STAU2: variants seen among roughly 807,000 people sequenced by gnomAD.
The protein encoded by STAU2 is double-stranded RNA-binding protein Staufen homolog 2.
In STAU2, 20 loss-of-function variants were observed where a neutral mutation model predicts 65.9. The ratio of observed to expected loss-of-function variants is 0.30; its 90% CI spans 0.21 to 0.44. The LOEUF is 0.44. Ranked by LOEUF, STAU2 falls within the 20% of genes least tolerant of loss-of-function variation. The pLI is 1.00. For synonymous variants in STAU2, 232 were observed against 233.9 expected, an observed-to-expected ratio of 0.99 and a Z score of 0.07; for missense variants, 558 against 683.9, an observed-to-expected ratio of 0.82 and a Z score of 2.05.
At chr8:73,435,539 A>T (rs1444227094) in intron 13 of STAU2, among the ~76,000 whole-genome samples, 1 of 151,804 alleles carries the variant, frequency 6.6e-6, no homozygotes, top group African/African-American at 2.4e-5. Context: ...CGCCTCTAAC[A>T]CACCCCTCAA....
At chr8:73,591,246 G>A (rs1330819311) in intron 11 of STAU2, among the ~76,000 whole-genome samples, 2 of 152,080 alleles carry the variant, frequency 1.3e-5, no homozygotes, top group South Asian at 2.1e-4. Context: ...GCCACAATAG[G>A]AGGTCAGAGA....
At chr8:73,484,653 A>T (rs949333416) in intron 13 of STAU2, among the ~76,000 whole-genome samples, 1 of 152,110 alleles carries the variant, frequency 6.6e-6, no homozygotes, top group Admixed American at 6.6e-5. Context: ...TTGCTTACCA[A>T]TACCCAAGTT....
intron 5 of STAU2, among the ~76,000 whole-genome samples, chr8:73,673,650 C>T (rs1353155152): frequency 6.6e-6 from 1 of 152,086 alleles, no homozygotes; most frequent in East Asian, 1.9e-4. Flanking sequence ...AATTAAATAA[C>T]TAAGCATTGG....
At chr8:73,703,156 T>C (rs1291669088) in intron 4 of STAU2, among the ~76,000 whole-genome samples, 1 of 152,058 alleles carries the variant, frequency 6.6e-6, no homozygotes, top group Non-Finnish European at 1.5e-5. Context: ...ATGTTGGAGG[T>C]GGGGTCTGGG....
At chr8:73,721,287 CA>C (rs35721754) in intron 3 of STAU2, among the ~76,000 whole-genome samples, 1,200 of 12,436 alleles carry the variant, frequency 0.096, 40 homozygotes, top group Non-Finnish European at 0.11. Flanking sequence ...ACCCCACCTC[CA>C]AAAAAAAAAA....
chr8:73,740,265 T>G (rs1458507339), intron 1 of STAU2, among the ~76,000 whole-genome samples: 1 of 152,252 alleles, frequency 6.6e-6, no homozygotes, highest in Non-Finnish European at 1.5e-5. Context: ...ATGTTTGTTG[T>G]CTTAAGTCCT....
intron 6 of STAU2, chr8:73,669,101 G>C (rs1053528567): frequency 1.4e-6 from 1 of 702,048 alleles, no homozygotes; most frequent in Non-Finnish European, 2.6e-6. Flanking sequence ...ATCCATTCAA[G>C]TGTTGCCATC....
intron 13 of STAU2, among the ~76,000 whole-genome samples, chr8:73,510,776 G>A (rs1180469914): frequency 1.3e-5 from 2 of 152,188 alleles, no homozygotes; most frequent in African/African-American, 2.4e-5. Context: ...CAGGATGGGG[G>A]AAACTGCCCC....
chr8:73,643,993 C>T (rs1376985138), intron 6 of STAU2, among the ~76,000 whole-genome samples: 3 of 152,128 alleles, frequency 2.0e-5, no homozygotes, highest in African/African-American at 4.8e-5. Flanking sequence ...AAGTGAGGAA[C>T]TAAGAAGGCA....
chr8:73,703,631 AAAGG>A (rs1225005680), intron 4 of STAU2, among the ~76,000 whole-genome samples: 3 of 152,250 alleles, frequency 2.0e-5, no homozygotes, highest in Non-Finnish European at 4.4e-5. Flanking sequence ...TCAATAATAA[AAAGG>A]AAGAAATACT....
intron 13 of STAU2, among the ~76,000 whole-genome samples, chr8:73,442,835 T>A (rs916504802): frequency 7.9e-5 from 12 of 152,252 alleles, no homozygotes; most frequent in African/African-American, 2.4e-4. Flanking sequence ...GAGAATTTTT[T>A]AAAATTTTTG....
At chr8:73,640,264 T>C (rs1299382732) in intron 6 of STAU2, among the ~76,000 whole-genome samples, 1 of 151,420 alleles carries the variant, frequency 6.6e-6, no homozygotes, top group African/African-American at 2.4e-5. Context: ...GAATAAAATA[T>C]ACAACTTCTA....
intron 4 of STAU2, among the ~76,000 whole-genome samples, chr8:73,692,951 G>A (rs901062828): frequency 6.6e-6 from 1 of 150,644 alleles, no homozygotes; most frequent in African/African-American, 2.4e-5. Flanking sequence ...CTTGAGCTCA[G>A]AAGTTCGAGA....
intron 6 of STAU2, among the ~76,000 whole-genome samples, chr8:73,642,455 G>A (rs2062814): frequency 0.054 from 8,152 of 152,084 alleles, 402 homozygotes; most frequent in Admixed American, 0.16. Context: ...CCCGGGAGGC[G>A]GAGGTCACAG....
Position 73,652,126 on chromosome 8 carries a change from A to T in STAU2, c.410+20981T>A, listed in dbSNP as rs1323376890. The T allele has an allele frequency of 2.0e-5, 3 of 152,182 alleles. No homozygotes were observed. In the East Asian group the frequency reaches 5.8e-4, roughly 29 times the overall value. The allele number at this position is 152,182 out of a possible 1,614,324, so 9.4% of individuals were successfully genotyped here. ...CTGGTTTTCCAGTTGGAAAAAGTAA[A>T]GGTTGTAGGCTTTGTGTGTAAAAAA... On this transcript the variant is annotated intron_variant, in intron 6 of 14. Transcript: ENST00000524300.
intron 3 of STAU2, among the ~76,000 whole-genome samples, chr8:73,733,287 T>C (rs1398812977): frequency 6.6e-6 from 1 of 152,186 alleles, no homozygotes; most frequent in Non-Finnish European, 1.5e-5. Context: ...CCGCCTAATA[T>C]AGACTTTTCC....
At chr8:73,637,705 GA>G (rs1814652163) in intron 6 of STAU2, among the ~76,000 whole-genome samples, 1 of 151,596 alleles carries the variant, frequency 6.6e-6, no homozygotes, top group African/African-American at 2.4e-5. Context: ...GATCTTCAGA[GA>G]AAACAAAAAC....
chr8:73,680,870 G>C (rs1461005885), intron 5 of STAU2, among the ~76,000 whole-genome samples: 1 of 151,830 alleles, frequency 6.6e-6, no homozygotes, highest in East Asian at 1.9e-4. Context: ...AAGAACTTCA[G>C]AGCTCAAAGA....
At chr8:73,593,331 C>T (rs766127224) in intron 11 of STAU2, among the ~76,000 whole-genome samples, 2 of 152,226 alleles carry the variant, frequency 1.3e-5, no homozygotes, top group Non-Finnish European at 2.9e-5. Flanking sequence ...AAACCTTCTA[C>T]TTCGCATAAT....
Sources: allele counts gnomAD v4.1 joint callset (sites outside exome capture counted in the v4.1 genomes callset), GRCh38; gene constraint gnomAD v4.1.1; transcripts MANE v1.5; gene names NCBI Gene and HGNC (gene_info 2026-07-23, HGNC 2026-07-21).